The following DCDC2 variants were observed in gnomAD, a reference collection of about 807,000 sequenced individuals.
The protein encoded by DCDC2 is doublecortin domain containing 2.
Under a neutral mutation model 50.2 loss-of-function variants are expected in DCDC2, and 40 were observed. The observed-to-expected ratio is 0.80, with a 90% CI of 0.62 to 1.04. DCDC2 has a LOEUF of 1.04. DCDC2 is among the 50% of genes least tolerant of loss of function. The pLI is 0.00. For synonymous variants in DCDC2, 234 were observed against 210.6 expected (o/e 1.11, Z -0.96); for missense variants, 570 against 581.9 (o/e 0.98, Z 0.21).
At chr6:24,306,026 C>T (rs912200808) in intron 2 of DCDC2, among the ~76,000 whole-genome samples, 6 of 150,368 alleles carry the variant, frequency 4.0e-5, no homozygotes, top group Admixed American at 3.3e-4. Context: ...AAAACTCTGT[C>T]TCAAAAAAAA....
intron 7 of DCDC2, among the ~76,000 whole-genome samples, chr6:24,240,268 T>A (rs1762538454): frequency 6.6e-6 from 1 of 152,220 alleles, no homozygotes; most frequent in Non-Finnish European, 1.5e-5. Context: ...TTATCATCCT[T>A]GAATCCTCGG....
upstream of DCDC2, among the ~76,000 whole-genome samples, chr6:24,362,138 A>C (rs905655109): frequency 6.6e-6 from 1 of 152,064 alleles, no homozygotes; most frequent in African/African-American, 2.4e-5. Flanking sequence ...GTAGATGGAG[A>C]TGAGTTTTGA....
rs1050411259 is a variant in DCDC2 at position 24,278,081 on chromosome 6, A to T, written c.890T>A (p.Leu297Ter). The T allele has an allele frequency of 3.7e-6, 6 of 1,612,882 alleles. No individual in the cohort carries two copies. The highest frequency in any genetic ancestry group is 5.1e-6 in the Non-Finnish European group (6 of 1,179,294). Reference sequence around the variant, plus strand: ...TGGAATGGTTTCTTGTGAATTCTTTAATTTTACATTTTGTTTCAATTTCGT... The same window carrying T: ...TGGAATGGTTTCTTGTGAATTCTTTTATTTTACATTTTGTTTCAATTTCGT... ...KLTKLKQNVKLKNSQETIPNS... is the reference protein window; with the variant it reads ...KLTKLKQNVK The change falls in exon 7 of 10, where the codon TTA (leucine) becomes TAA (stop). Residue 297 changes from leucine (L) to a stop codon, truncating the protein, a stop_gained. Coordinates refer to ENST00000378454, the MANE Select transcript of DCDC2 (RefSeq NM_016356.5). LOFTEE classifies it high-confidence loss of function.
At chr6:24,311,504 T>A (rs747345242) in intron 2 of DCDC2, among the ~76,000 whole-genome samples, 68 of 152,344 alleles carry the variant, frequency 4.5e-4, no homozygotes, top group Non-Finnish European at 9.0e-4. Flanking sequence ...CAGAACTGCA[T>A]CAAATACTTT....
chr6:24,288,257 T>C (rs2113827970), intron 6 of DCDC2, among the ~76,000 whole-genome samples: 1 of 152,350 alleles, frequency 6.6e-6, no homozygotes, highest in East Asian at 1.9e-4. Flanking sequence ...GGCAACGCTC[T>C]GGCATGACAT....
rs151309891 is a variant in DCDC2, at chr6:24,184,051, T to C, written c.1024-5419A>G. ...CCTATGAGTTGTTTCTTATACCCAT[T>C]AGACAAAGAGAGTAAATGAGAAATC... On this transcript the variant is annotated intron_variant, in intron 8 of 9. Coordinates refer to ENST00000378454, the MANE Select transcript of DCDC2 (RefSeq NM_016356.5). 9.6e-3 allele frequency among the ~76,000 whole-genome samples: 1,455 copies of C among 152,234 alleles called. 14 individuals carry two copies. The highest frequency in any genetic ancestry group is 0.018 in the Non-Finnish European group (1,203 of 67,992).
At chr6:24,380,829 C>T in the DCDC2 span, among the ~76,000 whole-genome samples, 6 of 152,164 alleles carry the variant, frequency 3.9e-5, no homozygotes, top group African/African-American at 1.4e-4. Flanking sequence ...TGCAGTAGCT[C>T]ATACCTGTAA....
the DCDC2 span, among the ~76,000 whole-genome samples, chr6:24,374,577 C>CAAAAAAAAAAAAAAAAAAAAA: frequency 3.5e-5 from 2 of 57,472 alleles, 1 homozygote; most frequent in Non-Finnish European, 5.8e-5. Context: ...AGACTCCATC[C>CAAAAAAAAAAAAAAAAAAAAA]AAAAAAAAAA....
chr6:24,201,378 C>A (rs368404479), intron 8 of DCDC2, among the ~76,000 whole-genome samples: 2 of 152,140 alleles, frequency 1.3e-5, no homozygotes, highest in Non-Finnish European at 2.9e-5. Flanking sequence ...TACATGGAAA[C>A]TGAACAACCT....
At chr6:24,360,567 A>AC (rs150203538), upstream of DCDC2, among the ~76,000 whole-genome samples, 1,114 of 152,290 alleles carry the variant, frequency 7.3e-3, 12 homozygotes, top group African/African-American at 0.025. Context: ...GAGAATAGTA[A>AC]CAGCCCCAGT....
Position 24,242,209 on chromosome 6 carries a change from C to T in DCDC2, c.922+35840G>A, listed in dbSNP as rs75747918. Among the ~76,000 whole-genome samples, 76 of 152,206 alleles carry T rather than the reference C, an allele frequency of 5.0e-4. 1 individual carries two copies. In the East Asian group the frequency reaches 0.013, roughly 26 times the overall value. On this transcript the variant is annotated intron_variant, in intron 7 of 9. Transcript: ENST00000378454. Reference sequence around the variant, plus strand: ...CATAATAAATCATCTAAATAATAAACAATTAATTTACTATTATTTAGTGGC... The same window carrying T: ...CATAATAAATCATCTAAATAATAAATAATTAATTTACTATTATTTAGTGGC...
intron 2 of DCDC2, among the ~76,000 whole-genome samples, chr6:24,313,613 A>T (rs1331117215): frequency 6.6e-6 from 1 of 152,206 alleles, no homozygotes; most frequent in African/African-American, 2.4e-5. Flanking sequence ...AGCAATGCTG[A>T]GTATGCAGCG....
Position 24,198,881 on chromosome 6 carries a change from C to T in DCDC2, c.1023+6121G>A, listed in dbSNP as rs186769131. On this transcript the variant is annotated intron_variant, in intron 8 of 9. Coordinates refer to ENST00000378454, the MANE Select transcript of DCDC2 (RefSeq NM_016356.5). The stretch of plus-strand genomic sequence containing the variant: ...GGTGGTTTTCCCCTCACAGTGTAAA[C>T]GAAGCCACGGGGAGCTTCGAACTGG... 5.6e-4 allele frequency among the ~76,000 whole-genome samples: 85 copies of T among 152,324 alleles called. 1 individual carries two copies. The East Asian group carries it at 0.015, about 27-fold the overall frequency.
chr6:24,258,089 G>C (rs557226568), intron 7 of DCDC2, among the ~76,000 whole-genome samples: 3 of 152,228 alleles, frequency 2.0e-5, no homozygotes, highest in African/African-American at 4.8e-5. Context: ...GGGTTCCTTC[G>C]GGTGGGTTCG....
At chr6:24,362,374 GTTTATACAATTATTTTTTATTTAA>G (rs1760681608), upstream of DCDC2, among the ~76,000 whole-genome samples, 5 of 88,666 alleles carry the variant, frequency 5.6e-5, no homozygotes, top group Admixed American at 2.3e-4. Flanking sequence ...TTAATTGTAT[GTTTATACAATTATTTTTTATTTAA>G]TTGTATATTT....
In DCDC2 at chr6:24,205,755, C is replaced by T. The variant is rs553862411; in HGVS notation, c.923-653G>A. 3.2e-4 allele frequency among the ~76,000 whole-genome samples: 49 copies of T among 152,246 alleles called. No individual in the cohort carries two copies. In the South Asian group the frequency reaches 9.3e-3, roughly 29 times the overall value. ...CTTCAACTTGCTTTCCTCTGGAAAG[C>T]AATAATAGCTGTTTTTCATATTTGA... On this transcript the variant is annotated intron_variant, in intron 7 of 9. Transcript: ENST00000378454.
intron 2 of DCDC2, among the ~76,000 whole-genome samples, chr6:24,329,243 AC>A (rs1759926101): frequency 6.6e-6 from 1 of 152,224 alleles, no homozygotes; most frequent in African/African-American, 2.4e-5. Flanking sequence ...AGAGGTATGC[AC>A]ACAAAAAAAT....
chr6:24,176,620 G>A (rs983250772), intron 9 of DCDC2, among the ~76,000 whole-genome samples: 8 of 152,184 alleles, frequency 5.3e-5, no homozygotes, highest in African/African-American at 1.9e-4. Context: ...CTTTTGTGGT[G>A]AGAACCCTTC....
At chr6:24,253,424 G>C (rs1374883421) in intron 7 of DCDC2, among the ~76,000 whole-genome samples, 1 of 152,134 alleles carries the variant, frequency 6.6e-6, no homozygotes, top group Non-Finnish European at 1.5e-5. Context: ...ACTGATGCTG[G>C]AAAAAATGTA....
Sources: allele counts gnomAD v4.1 joint callset (sites outside exome capture counted in the v4.1 genomes callset), GRCh38; gene constraint gnomAD v4.1.1; transcripts MANE v1.5; gene names NCBI Gene and HGNC (gene_info 2026-07-23, HGNC 2026-07-21).